COL4A5: variants seen among roughly 807,000 people sequenced by gnomAD.
COL4A5 encodes the protein collagen type IV alpha 5 chain, also known as collagen alpha-5(IV) chain.
COL4A5 carries 26 observed loss-of-function variants against 130.2 expected under a neutral mutation model. The observed-to-expected ratio is 0.20, with a 90% confidence interval of 0.15 to 0.28. COL4A5 has a LOEUF of 0.28. Ranked by LOEUF, COL4A5 falls within the 10% of genes least tolerant of loss-of-function variation. The pLI is 1.00. For missense variants in COL4A5, 1,131 were observed against 1,344.3 expected (o/e 0.84, Z 2.48); for synonymous variants, 496 against 439.6 (o/e 1.13, Z -1.60).
chrX:108,658,939 G>A (rs772396201), intron 37 of COL4A5, among the ~76,000 whole-genome samples: 2 of 110,424 alleles, frequency 1.8e-5, no homozygotes, highest in South Asian at 7.6e-4. Context: ...ACCTTCTATG[G>A]ATTTAATCTT....
chrX:108,573,473 C>T (rs2066097122), intron 8 of COL4A5, 101 bp from the exon 9 acceptor site: 1 of 597,546 alleles, frequency 1.7e-6, no homozygotes, highest in Non-Finnish European at 3.0e-6. Flanking sequence ...TCTTTTAGTA[C>T]ATCTCTGTTA....
intron 1 of COL4A5, among the ~76,000 whole-genome samples, chrX:108,477,949 T>G (rs947602350): frequency 1.8e-5 from 2 of 111,610 alleles, no homozygotes; most frequent in African/African-American, 3.3e-5. Context: ...TCCCTTTGCC[T>G]TCAGCAAGCA....
At chrX:108,593,303 T>C (rs1249632837) in intron 21 of COL4A5, among the ~76,000 whole-genome samples, 2 of 111,792 alleles carry the variant, frequency 1.8e-5, no homozygotes, top group Non-Finnish European at 3.8e-5. Flanking sequence ...ACTATTTCCT[T>C]ACAGTTTTTA....
intron 49 of COL4A5, 44 bp downstream of exon 49, chrX:108,687,738 T>C (rs768980665): frequency 1.7e-6 from 2 of 1,146,892 alleles, no homozygotes; most frequent in South Asian, 1.8e-5. Context: ...CTTTTGTTTT[T>C]GTTTCAGAAA....
At chrX:108,662,362 T>G (rs1040730793) in intron 37 of COL4A5, among the ~76,000 whole-genome samples, 3 of 111,010 alleles carry the variant, frequency 2.7e-5, no homozygotes, top group Non-Finnish European at 5.7e-5. Flanking sequence ...TTGTCTTAGC[T>G]GTCATTCATT....
intron 1 of COL4A5, among the ~76,000 whole-genome samples, chrX:108,509,297 A>C (rs2065158681): frequency 9.0e-6 from 1 of 111,621 alleles, no homozygotes; most frequent in Non-Finnish European, 1.9e-5. Context: ...GGGTGGGAAG[A>C]GGGAGAGGAT....
chrX:108,469,169 C>CTTTTTTTTT (rs529015725), intron 1 of COL4A5, among the ~76,000 whole-genome samples: 1 of 77,674 alleles, frequency 1.3e-5, no homozygotes, highest in Non-Finnish European at 2.4e-5. Flanking sequence ...CTCTCTCTCT[C>CTTTTTTTTT]TTTTTTTTTT....
chrX:108,626,411 T>A, intron 36 of COL4A5, 62 bp downstream of exon 36: 1 of 1,185,596 alleles, frequency 8.4e-7, no homozygotes, highest in Non-Finnish European at 1.1e-6. Flanking sequence ...TTTAATACTA[T>A]GCTCATTCCT....
intron 2 of COL4A5, among the ~76,000 whole-genome samples, chrX:108,540,977 GA>G (rs1306424961): frequency 1.8e-5 from 2 of 112,159 alleles, no homozygotes; most frequent in African/African-American, 3.2e-5. Flanking sequence ...TTGAATGAAT[GA>G]GTGAATGCTG....
At chrX:108,591,745 AT>A (rs2066439886) in intron 21 of COL4A5, 101 bp downstream of exon 21, 2 of 647,695 alleles carry the variant, frequency 3.1e-6, no homozygotes, top group Non-Finnish European at 5.1e-6. Context: ...ACTGACTCCC[AT>A]GGTCATACCC....
chrX:108,492,521 G>A (rs1279186879), intron 1 of COL4A5, among the ~76,000 whole-genome samples: 1 of 111,694 alleles, frequency 9.0e-6, no homozygotes, highest in Non-Finnish European at 1.9e-5. Flanking sequence ...TAAAAAGAAA[G>A]TATTACACAT....
intron 1 of COL4A5, among the ~76,000 whole-genome samples, chrX:108,472,505 C>T (rs2064783521): frequency 9.0e-6 from 1 of 111,515 alleles, no homozygotes; most frequent in Admixed American, 9.6e-5. Context: ...TTTAGAGGCT[C>T]AGTTACTTGG....
intron 8 of COL4A5, among the ~76,000 whole-genome samples, chrX:108,572,403 C>T (rs2066078127): frequency 9.0e-6 from 1 of 111,629 alleles, no homozygotes. Flanking sequence ...CCAAGTTAAT[C>T]CACCCACAAA....
intron 1 of COL4A5, among the ~76,000 whole-genome samples, chrX:108,476,068 A>G (rs939756697): frequency 9.0e-5 from 10 of 111,225 alleles, no homozygotes; most frequent in African/African-American, 3.3e-4. Context: ...TGGAGAAACT[A>G]TGTACTACCT....
chrX:108,486,983 C>A (rs1216135615), intron 1 of COL4A5, among the ~76,000 whole-genome samples: 2 of 111,910 alleles, frequency 1.8e-5, no homozygotes, highest in Non-Finnish European at 3.8e-5. Flanking sequence ...GGGTAGATAA[C>A]CAGTAGTGGG....
chrX:108,510,908 CAT>C (rs1036628134), intron 1 of COL4A5, among the ~76,000 whole-genome samples: 2 of 111,441 alleles, frequency 1.8e-5, no homozygotes, highest in African/African-American at 6.5e-5. Flanking sequence ...TGTTTCAAAA[CAT>C]ATTATGTGTA....
intron 1 of COL4A5, among the ~76,000 whole-genome samples, chrX:108,504,754 G>A (rs1208003983): frequency 2.7e-5 from 3 of 112,025 alleles, no homozygotes; most frequent in African/African-American, 9.7e-5. Context: ...TGTTGGCATG[G>A]ATGTAGTGAA....
At chrX:108,441,506 A>G (rs1325559964) in intron 1 of COL4A5, among the ~76,000 whole-genome samples, 2 of 112,261 alleles carry the variant, frequency 1.8e-5, no homozygotes, top group Non-Finnish European at 3.8e-5. Context: ...TACTCTGAGC[A>G]CAACATAATT....
At chrX:108,448,058 G>A (rs952981825) in intron 1 of COL4A5, among the ~76,000 whole-genome samples, 5 of 111,811 alleles carry the variant, frequency 4.5e-5, no homozygotes, top group African/African-American at 1.6e-4. Flanking sequence ...CACACTTTGT[G>A]CCTTTAGCAG....
Sources: allele counts gnomAD v4.1 joint callset (sites outside exome capture counted in the v4.1 genomes callset), GRCh38; gene constraint gnomAD v4.1.1; transcripts MANE v1.5; gene names NCBI Gene and HGNC (gene_info 2026-07-23, HGNC 2026-07-21).